The following SGCD variants were observed in gnomAD, a reference collection of about 807,000 sequenced individuals.
SGCD encodes delta-sarcoglycan.
SGCD carries 18 observed loss-of-function variants against 36.6 expected under a neutral mutation model. The observed-to-expected ratio is 0.49, with a 90% CI of 0.34 to 0.73. The LOEUF (loss-of-function observed/expected upper bound fraction) is 0.73, where lower values mean the gene tolerates loss of function less well. Ranked by LOEUF, SGCD falls within the 30% of genes least tolerant of loss-of-function variation. The pLI, the probability that SGCD is intolerant of heterozygous loss-of-function variation, is 0.01. For synonymous variants in SGCD, 133 were observed against 130.6 expected (o/e 1.02, Z -0.12); for missense variants, 387 against 346.7 (o/e 1.12, Z -0.92).
rs181958440 is a variant in SGCD, at chr5:156,431,030, G to C, written c.193-77571G>C. 5.9e-5 allele frequency among the ~76,000 whole-genome samples: 9 copies of C among 152,048 alleles called. No homozygotes were observed. In the East Asian group the frequency reaches 1.7e-3, roughly 29 times the overall value. The stretch of plus-strand genomic sequence containing the variant: ...CAGGTGGGTAGATATAATACTCAAT[G>C]GTGGGCCAAGATCCCAGTCTTGATG... On this transcript the variant is annotated intron_variant, in intron 3 of 8. Coordinates refer to ENST00000337851, the MANE Select transcript of SGCD (RefSeq NM_000337.6).
intron 3 of SGCD, among the ~76,000 whole-genome samples, chr5:156,449,694 A>AAAAAAAAAAAAAC (rs1206982637): frequency 6.7e-6 from 1 of 148,616 alleles, no homozygotes; most frequent in African/African-American, 2.5e-5. Flanking sequence ...AAAAAAAAAA[A>AAAAAAAAAAAAAC]AAAAAAAATC....
chr5:155,995,876 G>A (rs150816728), intron 1 of SGCD, among the ~76,000 whole-genome samples: 1 of 151,024 alleles, frequency 6.6e-6, no homozygotes, highest in African/African-American at 2.4e-5. Flanking sequence ...ATTTTCTGGG[G>A]ATAATGGGAA....
Position 156,117,271 on chromosome 5 carries a change from C to G in SGCD, c.-281-607C>G, listed in dbSNP as rs1761927382. Reference sequence around the variant, plus strand: ...CTATTTTTTTCATCCTCCTAAAACCCTTGTAAAATACAACCAAGGTGTTAT... The same window carrying G: ...CTATTTTTTTCATCCTCCTAAAACCGTTGTAAAATACAACCAAGGTGTTAT... On this transcript the variant is annotated intron_variant, in intron 1 of 9. Transcript: ENST00000517913. 2.0e-5 allele frequency among the ~76,000 whole-genome samples: 3 copies of G among 151,920 alleles called. No individual in the cohort carries two copies. The South Asian group carries it at 6.2e-4, about 31-fold the overall frequency.
intron 1 of SGCD, among the ~76,000 whole-genome samples, chr5:156,082,556 G>A (rs2127591899): frequency 6.6e-6 from 1 of 152,222 alleles, no homozygotes; most frequent in South Asian, 2.1e-4. Context: ...GCATATATCA[G>A]TAGCCTGTTC....
At chr5:156,500,630 C>A (rs1756404066) in intron 3 of SGCD, among the ~76,000 whole-genome samples, 1 of 152,124 alleles carries the variant, frequency 6.6e-6, no homozygotes. Context: ...TTTTACACAC[C>A]TATCAAAATA....
At chr5:156,053,085 G>T (rs1759964551) in intron 1 of SGCD, among the ~76,000 whole-genome samples, 1 of 146,620 alleles carries the variant, frequency 6.8e-6, no homozygotes, top group South Asian at 2.1e-4. Context: ...ACTTGAATTA[G>T]GGTGGGCAAA....
At chr5:156,606,329 C>A (rs572985624) in intron 6 of SGCD, among the ~76,000 whole-genome samples, 1 of 152,256 alleles carries the variant, frequency 6.6e-6, no homozygotes, top group South Asian at 2.1e-4. Flanking sequence ...TTCTTTTTGT[C>A]AGGTATGTCA....
chr5:156,412,290 C>A lies in SGCD; in HGVS notation c.192+67613C>A, dbSNP rs576676932. Among the ~76,000 whole-genome samples the A allele has an allele frequency of 6.6e-5, 10 of 152,294 alleles. No homozygotes were observed. In the South Asian group the frequency reaches 1.9e-3, roughly 28 times the overall value. On this transcript the variant is annotated intron_variant, in intron 3 of 8. Coordinates refer to ENST00000337851, the MANE Select transcript of SGCD (RefSeq NM_000337.6). ...CGTGAGCCTCAGTTGACCAAACTTT[C>A]AAGAATTTCAAAGTGTAAAATTAGA...
chr5:155,884,678 T>C lies in SGCD; in HGVS notation c.-282+14254T>C, dbSNP rs557296964. 4.6e-5 allele frequency among the ~76,000 whole-genome samples: 7 copies of C among 152,368 alleles called. No individual in the cohort carries two copies. The East Asian group carries it at 1.4e-3, about 29-fold the overall frequency. On this transcript the variant is annotated intron_variant, in intron 1 of 9. Transcript: ENST00000517913. The stretch of plus-strand genomic sequence containing the variant: ...CTGGCATCTGGATAGGTATGAACTC[T>C]AGACATGAGCAGATTTGAGTTTGAA...
intron 3 of SGCD, among the ~76,000 whole-genome samples, chr5:156,421,763 C>A (rs557744146): frequency 1.3e-5 from 2 of 151,990 alleles, no homozygotes. Context: ...ACTGAAAAAG[C>A]AGGGGGAATT....
At chr5:156,045,323 A>G (rs945019839) in intron 1 of SGCD, among the ~76,000 whole-genome samples, 4 of 152,180 alleles carry the variant, frequency 2.6e-5, no homozygotes, top group Non-Finnish European at 4.4e-5. Context: ...ACAGCGTAAG[A>G]TAATACTATA....
intron 7 of SGCD, among the ~76,000 whole-genome samples, chr5:156,714,332 A>G (rs893971115): frequency 3.9e-5 from 6 of 152,196 alleles, no homozygotes; most frequent in African/African-American, 1.2e-4. Context: ...GCTGTTTAAA[A>G]TGGCCCCCAA....
intron 1 of SGCD, among the ~76,000 whole-genome samples, chr5:156,018,914 A>G (rs1402581177): frequency 6.6e-6 from 1 of 152,242 alleles, no homozygotes; most frequent in Admixed American, 6.5e-5. Context: ...GATTTTCATC[A>G]AATTTTAACC....
chr5:156,196,908 T>C (rs572274558), intron 3 of SGCD, among the ~76,000 whole-genome samples: 16 of 152,294 alleles, frequency 1.1e-4, no homozygotes, highest in African/African-American at 3.8e-4. Context: ...GAAGGAGCTT[T>C]CCACAATTTT....
chr5:156,201,905 C>T (rs953674892), intron 3 of SGCD, among the ~76,000 whole-genome samples: 100 of 152,208 alleles, frequency 6.6e-4, no homozygotes, highest in African/African-American at 2.3e-3. Context: ...CCAGTGTGTA[C>T]CTTGTGAGTC....
intron 3 of SGCD, among the ~76,000 whole-genome samples, chr5:156,488,141 C>A (rs951403446): frequency 1.5e-3 from 98 of 66,840 alleles, no homozygotes; most frequent in Non-Finnish European, 1.8e-3. Context: ...CCCAGTTAGA[C>A]AAAAAATAAA....
chr5:155,968,710 G>A (rs1291449062), intron 1 of SGCD, among the ~76,000 whole-genome samples: 1 of 152,010 alleles, frequency 6.6e-6, no homozygotes, highest in Non-Finnish European at 1.5e-5. Flanking sequence ...GATAAGGGGG[G>A]ACTGCCATAC....
At chr5:156,688,619 G>C (rs1263979560) in intron 7 of SGCD, among the ~76,000 whole-genome samples, 1 of 152,182 alleles carries the variant, frequency 6.6e-6, no homozygotes, top group Non-Finnish European at 1.5e-5. Flanking sequence ...CTGGGAACCA[G>C]CAGAGTCTGA....
intron 3 of SGCD, among the ~76,000 whole-genome samples, chr5:156,170,935 T>C (rs1244130717): frequency 1.3e-5 from 2 of 152,254 alleles, no homozygotes; most frequent in South Asian, 2.1e-4. Flanking sequence ...ATTTATAAAA[T>C]GTTGCCAGAC....
Sources: gnomAD v4.1 joint callset for allele counts (sites outside exome capture counted in the v4.1 genomes callset) on GRCh38, gnomAD v4.1.1 for gene constraint, MANE v1.5 for transcripts, NCBI Gene and HGNC (gene_info 2026-07-23, HGNC 2026-07-21) for gene names.